The following IL1RAPL1 variants were observed in gnomAD, a reference collection of about 807,000 sequenced individuals.
IL1RAPL1 encodes interleukin 1 receptor accessory protein like 1.
A neutral mutation model predicts 48.4 loss-of-function variants in IL1RAPL1; 3 were observed. The observed-to-expected ratio is 0.06, with a 90% CI of 0.03 to 0.16. IL1RAPL1 has a LOEUF of 0.16. Among genes scored for constraint, IL1RAPL1 ranks in the 10% least tolerant of loss-of-function variants. The probability of loss-of-function intolerance (pLI) is 1.00; values close to 1 mark genes in which losing one functional copy is unlikely to be tolerated. For missense variants in IL1RAPL1, 349 were observed against 530.6 expected (o/e 0.66, Z 3.36); for synonymous variants, 185 against 187.7 (o/e 0.99, Z 0.12).
intron 2 of IL1RAPL1, among the ~76,000 whole-genome samples, chrX:29,156,795 G>T (rs898597540): frequency 1.8e-5 from 2 of 111,642 alleles, no homozygotes; most frequent in Non-Finnish European, 3.8e-5. Flanking sequence ...ATCATAGCCA[G>T]TATGACCTTG....
chrX:29,715,245 A>G (rs1927450810), intron 6 of IL1RAPL1, among the ~76,000 whole-genome samples: 1 of 111,387 alleles, frequency 9.0e-6, no homozygotes, highest in Non-Finnish European at 1.9e-5. Flanking sequence ...ATCTTAGGCC[A>G]GTGGTCCTAA....
At chrX:28,729,999 A>G (rs1043992075) in intron 1 of IL1RAPL1, among the ~76,000 whole-genome samples, 1 of 112,045 alleles carries the variant, frequency 8.9e-6, no homozygotes, top group Middle Eastern at 4.7e-3. Context: ...TTGAATTTCA[A>G]TTATGACTTG....
At chrX:28,865,329 C>T (rs1922051651) in intron 2 of IL1RAPL1, among the ~76,000 whole-genome samples, 1 of 110,100 alleles carries the variant, frequency 9.1e-6, no homozygotes, top group Non-Finnish European at 1.9e-5. Flanking sequence ...ATCCCAGCTA[C>T]TCAGGAGGCT....
At chrX:29,167,865 A>C (rs1251741945) in intron 2 of IL1RAPL1, among the ~76,000 whole-genome samples, 2 of 110,748 alleles carry the variant, frequency 1.8e-5, no homozygotes, top group Non-Finnish European at 3.8e-5. Flanking sequence ...TAATGGTACA[A>C]ATTTGTATAA....
chrX:29,352,981 T>C (rs766131537), intron 3 of IL1RAPL1, among the ~76,000 whole-genome samples: 1 of 111,976 alleles, frequency 8.9e-6, no homozygotes, highest in African/African-American at 3.2e-5. Context: ...CCTACTTACT[T>C]GCTACTGGCA....
At chrX:29,918,144 A>AAAAAAAAAAAAATATATAT (rs1555935868) in intron 7 of IL1RAPL1, among the ~76,000 whole-genome samples, 5 of 23,761 alleles carry the variant, frequency 2.1e-4, no homozygotes, top group Admixed American at 1.7e-3. Context: ...AAAAAAAAAA[A>AAAAAAAAAAAAATATATAT]ATATATATAT....
intron 2 of IL1RAPL1, among the ~76,000 whole-genome samples, chrX:29,104,129 C>A (rs1369359662): frequency 9.0e-6 from 1 of 111,511 alleles, no homozygotes; most frequent in Non-Finnish European, 1.9e-5. Context: ...AGGTATATAC[C>A]CAAAAGAAAG....
At chrX:28,758,572 T>G (rs1179272911) in intron 1 of IL1RAPL1, among the ~76,000 whole-genome samples, 4 of 111,189 alleles carry the variant, frequency 3.6e-5, no homozygotes, top group Non-Finnish European at 5.7e-5. Flanking sequence ...TTCCACAGCG[T>G]AGGGGATCTC....
intron 1 of IL1RAPL1, among the ~76,000 whole-genome samples, chrX:28,753,802 A>G (rs956300740): frequency 2.7e-5 from 3 of 111,684 alleles, no homozygotes; most frequent in Admixed American, 9.6e-5. Flanking sequence ...ATTCTTTGCC[A>G]ACCAATGATT....
At chrX:29,036,116 T>C (rs1926726939) in intron 2 of IL1RAPL1, among the ~76,000 whole-genome samples, 1 of 112,048 alleles carries the variant, frequency 8.9e-6, no homozygotes, top group Non-Finnish European at 1.9e-5. Flanking sequence ...CAACACTTCT[T>C]CATTGGCATC....
At chrX:29,188,820 C>T (rs1318715650) in intron 2 of IL1RAPL1, among the ~76,000 whole-genome samples, 1 of 110,833 alleles carries the variant, frequency 9.0e-6, no homozygotes, top group Non-Finnish European at 1.9e-5. Flanking sequence ...CTCCTAACCT[C>T]GTGATCTACC....
At chrX:29,151,962 C>G (rs946430433) in intron 2 of IL1RAPL1, among the ~76,000 whole-genome samples, 2 of 111,876 alleles carry the variant, frequency 1.8e-5, no homozygotes, top group East Asian at 2.8e-4. Flanking sequence ...TAGTGTACAT[C>G]TGTATTAGTC....
chrX:29,692,114 T>G (rs1323790455), intron 6 of IL1RAPL1, among the ~76,000 whole-genome samples: 2 of 111,902 alleles, frequency 1.8e-5, no homozygotes, highest in Non-Finnish European at 3.8e-5. Context: ...AAGTTTCCCC[T>G]CTCTTTTTGC....
intron 5 of IL1RAPL1, among the ~76,000 whole-genome samples, chrX:29,516,871 G>T (rs1169348469): frequency 1.8e-5 from 2 of 111,023 alleles, no homozygotes; most frequent in Non-Finnish European, 3.8e-5. Context: ...CTTCAAAAGT[G>T]GTGTACCAAT....
At chrX:28,896,437 G>C (rs1428025047) in intron 2 of IL1RAPL1, among the ~76,000 whole-genome samples, 5 of 111,760 alleles carry the variant, frequency 4.5e-5, no homozygotes, top group Non-Finnish European at 9.4e-5. Flanking sequence ...TTTGATGAAA[G>C]AACCTAAACG....
At chrX:29,434,078 TATTA>T (rs1420171309) in intron 5 of IL1RAPL1, among the ~76,000 whole-genome samples, 1 of 109,579 alleles carries the variant, frequency 9.1e-6, no homozygotes, top group Admixed American at 9.7e-5. Context: ...AGATATTTTA[TATTA>T]ATTTTATGTG....
intron 1 of IL1RAPL1, among the ~76,000 whole-genome samples, chrX:28,688,655 CAT>C (rs1353123318): frequency 8.9e-6 from 1 of 111,871 alleles, no homozygotes; most frequent in Admixed American, 9.5e-5. Context: ...CAAAAGCAAT[CAT>C]ATTTGAACTT....
At chrX:29,108,732 TA>T (rs1321712900) in intron 2 of IL1RAPL1, among the ~76,000 whole-genome samples, 2 of 111,516 alleles carry the variant, frequency 1.8e-5, no homozygotes, top group Non-Finnish European at 3.8e-5. Flanking sequence ...TATGAGCATT[TA>T]GTATACGTCT....
At chrX:29,160,849 T>C (rs1929668557) in intron 2 of IL1RAPL1, among the ~76,000 whole-genome samples, 1 of 111,501 alleles carries the variant, frequency 9.0e-6, no homozygotes, top group Non-Finnish European at 1.9e-5. Flanking sequence ...AGGTCAGGAG[T>C]TCGAGACCAG....
Sources: allele counts gnomAD v4.1 joint callset (sites outside exome capture counted in the v4.1 genomes callset), GRCh38; gene constraint gnomAD v4.1.1; transcripts MANE v1.5; gene names NCBI Gene and HGNC (gene_info 2026-07-23, HGNC 2026-07-21).